SLC14A2: variants seen among roughly 807,000 people sequenced by gnomAD.
The protein encoded by SLC14A2 is urea transporter 2.
In SLC14A2, 91 loss-of-function variants were observed where a neutral mutation model predicts 104.6. That is an observed-to-expected ratio of 0.87 (90% CI 0.73 to 1.04). SLC14A2 has a LOEUF of 1.04. Ranked by LOEUF, SLC14A2 falls within the 50% of genes least tolerant of loss-of-function variation. SLC14A2 has a pLI of 0.00. For synonymous variants in SLC14A2, 476 were observed against 466.4 expected (o/e 1.02, Z -0.27); for missense variants, 1,189 against 1,156.0 (o/e 1.03, Z -0.41).
intron 1 of SLC14A2, among the ~76,000 whole-genome samples, chr18:45,425,693 G>T (rs1259056813): frequency 3.3e-5 from 5 of 152,168 alleles, no homozygotes; most frequent in Admixed American, 3.3e-4. Context: ...TTCTAGTAAC[G>T]TGGTCTCTCC....
chr18:45,602,235 G>T (rs572574905), intron 2 of SLC14A2, among the ~76,000 whole-genome samples: 2 of 152,296 alleles, frequency 1.3e-5, no homozygotes, highest in East Asian at 3.9e-4. Context: ...TACACAATAG[G>T]TATTCAACTA....
intron 1 of SLC14A2, among the ~76,000 whole-genome samples, chr18:45,311,416 A>C (rs1481904967): frequency 6.6e-6 from 1 of 152,202 alleles, no homozygotes; most frequent in Non-Finnish European, 1.5e-5. Flanking sequence ...CTGAGCACAG[A>C]AAGGTTAAAA....
intron 2 of SLC14A2, among the ~76,000 whole-genome samples, chr18:45,580,645 T>G (rs1425113593): frequency 1.3e-5 from 2 of 152,184 alleles, no homozygotes; most frequent in African/African-American, 4.8e-5. Flanking sequence ...TGTATTAAAC[T>G]TTTTTTAATC....
At chr18:45,222,557 T>G (rs2084073353) in intron 1 of SLC14A2, among the ~76,000 whole-genome samples, 1 of 152,042 alleles carries the variant, frequency 6.6e-6, no homozygotes, top group African/African-American at 2.4e-5. Flanking sequence ...AGGATGGTTG[T>G]GATTTACATA....
chr18:45,278,534 A>G (rs866678172), intron 1 of SLC14A2, among the ~76,000 whole-genome samples: 2 of 152,202 alleles, frequency 1.3e-5, no homozygotes, highest in South Asian at 2.1e-4. Flanking sequence ...TGGCTCACCC[A>G]TATCACAGGA....
At chr18:45,226,373 T>C (rs2084116645) in intron 1 of SLC14A2, among the ~76,000 whole-genome samples, 1 of 152,158 alleles carries the variant, frequency 6.6e-6, no homozygotes, top group African/African-American at 2.4e-5. Context: ...TGCACACATA[T>C]GTTTATTGTG....
At chr18:45,214,414 C>G (rs1459769936) in intron 1 of SLC14A2, among the ~76,000 whole-genome samples, 1 of 152,140 alleles carries the variant, frequency 6.6e-6, no homozygotes, top group Non-Finnish European at 1.5e-5. Context: ...AAGCCCTGTG[C>G]TTTCATTATG....
At chr18:45,392,772 G>T (rs1453745679) in intron 1 of SLC14A2, among the ~76,000 whole-genome samples, 1 of 152,160 alleles carries the variant, frequency 6.6e-6, no homozygotes, top group Non-Finnish European at 1.5e-5. Context: ...GAGCACATTT[G>T]TTGTCTAATA....
the SLC14A2 span, among the ~76,000 whole-genome samples, chr18:45,171,594 A>G: frequency 6.6e-6 from 1 of 152,146 alleles, no homozygotes; most frequent in African/African-American, 2.4e-5. Context: ...TTAATGTGGA[A>G]GAAACACAAG....
At chr18:45,491,447 A>G (rs1003793859) in intron 2 of SLC14A2, among the ~76,000 whole-genome samples, 1 of 152,228 alleles carries the variant, frequency 6.6e-6, no homozygotes, top group Non-Finnish European at 1.5e-5. Context: ...ATGCAAGTTC[A>G]AGAGAATGCC....
chr18:45,315,375 C>T lies in SLC14A2; in HGVS notation c.-125+102184C>T, dbSNP rs1473562271. ...CATGGGGAAGATGATTGTTTAGTGC[C>T]TTACCCAGCAGAAGGAGGGTGGGGG... On this transcript the variant is annotated intron_variant, in intron 1 of 20. Coordinates refer to the SLC14A2 transcript ENST00000586448. Among the ~76,000 whole-genome samples, 15 of 152,096 alleles carry T rather than the reference C, an allele frequency of 9.9e-5. No homozygotes were observed. In the East Asian group the frequency reaches 1.7e-3, roughly 18 times the overall value.
At chr18:45,654,768 A>G (rs2045803407) in intron 10 of SLC14A2, among the ~76,000 whole-genome samples, 2 of 152,120 alleles carry the variant, frequency 1.3e-5, no homozygotes, top group Admixed American at 6.5e-5. Context: ...CTTCCTGCTC[A>G]CCTGCTGATG....
At chr18:45,200,545 C>G in the SLC14A2 span, among the ~76,000 whole-genome samples, 1 of 152,096 alleles carries the variant, frequency 6.6e-6, no homozygotes, top group Non-Finnish European at 1.5e-5. Flanking sequence ...TCTGATTTTT[C>G]TACCATAGAA....
intron 1 of SLC14A2, among the ~76,000 whole-genome samples, chr18:45,355,128 C>G (rs2085539497): frequency 6.6e-6 from 1 of 152,010 alleles, no homozygotes; most frequent in Non-Finnish European, 1.5e-5. Flanking sequence ...CTCTTTGAGC[C>G]CAAATATCCT....
chr18:45,421,288 T>A (rs1261546387), intron 1 of SLC14A2, among the ~76,000 whole-genome samples: 1 of 152,008 alleles, frequency 6.6e-6, no homozygotes, highest in Non-Finnish European at 1.5e-5. Context: ...TCCCATTTAC[T>A]GGCTCTTTCC....
intron 1 of SLC14A2, among the ~76,000 whole-genome samples, chr18:45,241,194 T>C (rs1214092735): frequency 6.6e-6 from 1 of 152,142 alleles, no homozygotes; most frequent in East Asian, 1.9e-4. Context: ...GGCACTGCAA[T>C]GGGGTGGTCC....
chr18:45,382,745 AC>A (rs1367761014), intron 1 of SLC14A2, among the ~76,000 whole-genome samples: 1 of 152,212 alleles, frequency 6.6e-6, no homozygotes, highest in Non-Finnish European at 1.5e-5. Flanking sequence ...TCTAATTGAC[AC>A]CAATGTCTTC....
chr18:45,210,482 G>A (rs942981532), upstream of SLC14A2, among the ~76,000 whole-genome samples: 2 of 152,184 alleles, frequency 1.3e-5, no homozygotes, highest in African/African-American at 4.8e-5. Context: ...AGTAGGCTGA[G>A]GCAGGAGGAT....
At chr18:45,605,036 T>C (rs1431553760) in intron 2 of SLC14A2, among the ~76,000 whole-genome samples, 3 of 152,166 alleles carry the variant, frequency 2.0e-5, no homozygotes, top group African/African-American at 7.2e-5. Context: ...AGGCTTCCAC[T>C]CTTCCCCGCA....
Sources: gnomAD v4.1 joint callset for allele counts (sites outside exome capture counted in the v4.1 genomes callset) on GRCh38, gnomAD v4.1.1 for gene constraint, MANE v1.5 for transcripts, NCBI Gene and HGNC (gene_info 2026-07-23, HGNC 2026-07-21) for gene names.